Variants in HJURP observed in about 807,000 individuals in gnomAD.
HJURP encodes the protein 14-3-3-associated AKT substrate.
Under a neutral mutation model 72.0 loss-of-function variants are expected in HJURP, and 49 were observed. The observed-to-expected ratio is 0.68, with a 90% CI of 0.54 to 0.86. HJURP has a LOEUF of 0.86. Among genes scored for constraint, HJURP ranks in the 40% least tolerant of loss-of-function variants. The pLI is 0.00. For synonymous variants in HJURP, 357 were observed against 347.1 expected (o/e 1.03, Z -0.32); for missense variants, 908 against 936.3 (o/e 0.97, Z 0.39).
intron 3 of HJURP, among the ~76,000 whole-genome samples, chr2:233,851,199 T>G (rs1215192536): frequency 1.3e-5 from 2 of 152,216 alleles, no homozygotes; most frequent in Admixed American, 1.3e-4. Context: ...GACATCTGTA[T>G]TATGCATAAT....
chr2:233,853,389 A>G (rs904184225), intron 2 of HJURP, among the ~76,000 whole-genome samples: 1 of 152,252 alleles, frequency 6.6e-6, no homozygotes, highest in African/African-American at 2.4e-5. Context: ...CTCAAGGAAG[A>G]CAGTTACTAC....
Position 233,842,180 on chromosome 2 carries a change from C to G in HJURP, c.600G>C (p.Lys200Asn). Residue 200 changes from lysine (K) to asparagine (N), a missense_variant, in exon 8 of 9, where the codon AAG becomes AAC. Lys to Asn is a moderately conservative substitution (Grantham distance 94, BLOSUM62 0). Around this residue, in one of 3 missense-constraint regions of HJURP, gnomAD observed 299 missense variants for 286.7 expected, o/e 1.04. Coordinates refer to ENST00000411486, the MANE Select transcript of HJURP (RefSeq NM_018410.5). ...CTGGTTTCGCTGGGTCACCAGGACT[C>G]TTTCTGGAGATACGACTGCAGTATC... ...APGYCSRISR[K>N]SPGDPAKPAS... 1.2e-6 allele frequency: 2 copies of G among 1,612,788 alleles called. No homozygotes were observed. Among genetic ancestry groups the G allele is most frequent in the Middle Eastern group, 1.7e-4 (1 of 6,048 alleles).
rs1193354893 is a variant in HJURP, at chr2:233,840,791, A to G, written c.1989T>C (p.Cys663=). 1 of 1,613,368 alleles carries G rather than the reference A, an allele frequency of 6.2e-7. No individual in the cohort carries two copies. The highest frequency in any genetic ancestry group is 8.5e-7 in the Non-Finnish European group (1 of 1,179,846). The change falls in exon 8 of 9, where the codon TGT becomes TGC. Residue 663 remains cysteine (C), a synonymous_variant. Coordinates refer to ENST00000411486, the MANE Select transcript of HJURP (RefSeq NM_018410.5). ...CATCCCTCGTGATGGCACGAGCAACACATGTAGATGAAGGAGCCTCAATTG... is the reference window on the plus strand; with the variant it reads ...CATCCCTCGTGATGGCACGAGCAACGCATGTAGATGAAGGAGCCTCAATTG... ...STAIEAPSST[C]VARAITRDGT...
chr2:233,854,454 T>A lies in HJURP; in HGVS notation c.47A>T (p.Asp16Val), dbSNP rs1295598630. ...RAMEGEDVEDDQLLQKLRASR... is the reference protein window; with the variant it reads ...RAMEGEDVEDVQLLQKLRASR... ...GGCCCTGAGCTTCTGCAGCAGCTGG[T>A]CGTCTTCCACGTCCTCGCCCTCCAT... Residue 16 changes from aspartate (D) to valine (V), a missense_variant, in exon 1 of 9, where the codon GAC (aspartate) becomes GTC (valine). Physicochemically the swap from Asp to Val is radical, Grantham distance 152 (BLOSUM62 -3). Transcript: ENST00000411486. The A allele has an allele frequency of 6.2e-7, 1 of 1,612,372 alleles. No individual in the cohort carries two copies. Among genetic ancestry groups the A allele is most frequent in the Non-Finnish European group, 8.5e-7 (1 of 1,179,466 alleles).
At position 233,841,735 on chromosome 2, in the gene HJURP, G is replaced by C. The variant is rs777495361; in HGVS notation, c.1045C>G (p.Arg349Gly). The C allele has an allele frequency of 2.1e-5, 34 of 1,613,900 alleles. No homozygotes were observed. The highest frequency in any genetic ancestry group is 2.9e-5 in the Non-Finnish European group (34 of 1,180,016). The change falls in exon 8 of 9, where the codon CGT becomes GGT. Residue 349 changes from arginine to glycine, a missense_variant. Coordinates refer to ENST00000411486, the MANE Select transcript of HJURP (RefSeq NM_018410.5). ...TTTTCCAATTTTAAACCTGTCTTAC[G>C]GCAAGAAACATCTAATACGTTCTTG... ...DCKNVLDVSC[R>G]KTGLKLEKAF... is the part of the protein sequence containing the mutation.
chr2:233,852,186 T>G (rs1025859709), intron 3 of HJURP, among the ~76,000 whole-genome samples: 1 of 152,148 alleles, frequency 6.6e-6, no homozygotes, highest in East Asian at 1.9e-4. Flanking sequence ...ACATTCTTCT[T>G]CCCTAGAAGG....
chr2:233,841,365 G>A lies in HJURP; in HGVS notation c.1415C>T (p.Ala472Val), dbSNP rs1263209039. ...TAAGCCCTGAAGGCCACCAGGACTC[G>A]CAGGACCCCCTCTGTACATGTTCAT... ...WAMNMYRGGP[A>V]SPGGLQGLET... The change falls in exon 8 of 9, where the codon GCG becomes GTG. Residue 472 changes from alanine (A) to valine (V), a missense_variant. Coordinates refer to ENST00000411486, the MANE Select transcript of HJURP (RefSeq NM_018410.5). 1.2e-5 allele frequency: 20 copies of A among 1,614,040 alleles called. No individual in the cohort carries two copies. The highest frequency in any genetic ancestry group is 2.2e-5 in the East Asian group (1 of 44,870).
At chr2:233,849,015 C>A (rs969589367) in intron 4 of HJURP, among the ~76,000 whole-genome samples, 2 of 152,206 alleles carry the variant, frequency 1.3e-5, no homozygotes, top group Non-Finnish European at 2.9e-5. Flanking sequence ...AAGAATAAAA[C>A]CCAAAGAATG....
Position 233,847,381 on chromosome 2 carries a change from TA to T in HJURP, c.402+15del. ...AGCGCCCCCTCTGTCCATTCATTAC[TA>T]AAGGCAGCACTTACTGCTAAGGCCC... On this transcript the variant is annotated intron_variant, in intron 5 of 8. Transcript: ENST00000411486. The T allele has an allele frequency of 6.2e-7, 1 of 1,607,682 alleles. No homozygotes were observed. The highest frequency in any genetic ancestry group is 1.7e-5 in the Admixed American group (1 of 60,012).
At chr2:233,842,310 G>A (rs1176403735) in intron 7 of HJURP, 105 bp from the exon 8 acceptor site, 2 of 983,076 alleles carry the variant, frequency 2.0e-6, no homozygotes, top group Non-Finnish European at 3.0e-6. Context: ...GTTTTTTTAA[G>A]CAATAGCAAA....
Position 233,840,996 on chromosome 2 carries a change from G to A in HJURP, c.1784C>T (p.Ser595Phe), listed in dbSNP as rs1705211489. The A allele has an allele frequency of 6.2e-7, 1 of 1,614,060 alleles. No individual in the cohort carries two copies. The highest frequency in any genetic ancestry group is 1.7e-5 in the Admixed American group (1 of 59,998). ...DKLHQKYCLK[S>F]PGQMTVPLCI... ...TAAAGGCACTGTCATCTGCCCAGGA[G>A]ATTTGAGGCAATACTTTTGATGAAG... The change falls in exon 8 of 9, where the codon TCT becomes TTT. Residue 595 changes from serine to phenylalanine, a missense_variant. Ser to Phe is a radical substitution (Grantham distance 155). Around this residue, in one of 3 missense-constraint regions of HJURP, gnomAD observed 598 missense variants for 619.5 expected, o/e 0.97. Transcript: ENST00000411486.
At position 233,850,863 on chromosome 2, in the gene HJURP, GT is replaced by G. The variant is rs529410456; in HGVS notation, c.241-1005del. ...TAGCTACAAACAGAACCCAGGCATT[GT>G]GTTATAACCAACCCAGCACAGGTCA... On this transcript the variant is annotated intron_variant, in intron 3 of 8. Coordinates refer to ENST00000411486, the MANE Select transcript of HJURP (RefSeq NM_018410.5). Among the ~76,000 whole-genome samples, 7 of 152,320 alleles carry G rather than the reference GT, an allele frequency of 4.6e-5. No homozygotes were observed. The East Asian group carries it at 1.4e-3, about 29-fold the overall frequency.
rs537293378 is a variant in HJURP at position 233,854,194 on chromosome 2, G to T, written c.117+190C>A. Among the ~76,000 whole-genome samples, 12 of 151,504 alleles carry T rather than the reference G, an allele frequency of 7.9e-5. 1 individual carries two copies. In the South Asian group the frequency reaches 2.5e-3, roughly 32 times the overall value. ...CCGTCCCCGCACCGAAGCCTTCGGC[G>T]CTGCCTCCTTTTTCCCTCTCCGGAG... On this transcript the variant is annotated intron_variant, in intron 1 of 8. Coordinates refer to ENST00000411486, the MANE Select transcript of HJURP (RefSeq NM_018410.5).
intron 8 of HJURP, 39 bp downstream of exon 8, chr2:233,840,570 C>T (rs753419375): frequency 6.5e-7 from 1 of 1,529,634 alleles, no homozygotes; most frequent in East Asian, 2.3e-5. Flanking sequence ...AGAGCAGTCA[C>T]TCACATAAAC....
At chr2:233,853,744 A>T in intron 2 of HJURP, 100 bp downstream of exon 2, 1 of 936,692 alleles carries the variant, frequency 1.1e-6, no homozygotes, top group South Asian at 1.7e-5. Context: ...CCTATTAGTT[A>T]GGTGAACAAT....
chr2:233,853,258 T>C (rs1705538575), intron 2 of HJURP, among the ~76,000 whole-genome samples: 1 of 152,240 alleles, frequency 6.6e-6, no homozygotes, highest in Admixed American at 6.5e-5. Flanking sequence ...ATGGGAGGAA[T>C]TGACCCCAGC....
chr2:233,837,884 A>G (rs1403583869), intron 8 of HJURP, among the ~76,000 whole-genome samples: 1 of 152,240 alleles, frequency 6.6e-6, no homozygotes, highest in Non-Finnish European at 1.5e-5. Context: ...CTGGTGGGGA[A>G]GTCCACATCC....
Position 233,841,364 on chromosome 2 carries a change from C to T in HJURP, c.1416G>A (p.Ala472=), listed in dbSNP as rs201582815. ...CTAAGCCCTGAAGGCCACCAGGACT[C>T]GCAGGACCCCCTCTGTACATGTTCA... ...WAMNMYRGGP[A]SPGGLQGLET... The change falls in exon 8 of 9, where the codon GCG becomes GCA. Residue 472 remains alanine (A), a synonymous_variant. Coordinates refer to ENST00000411486, the MANE Select transcript of HJURP (RefSeq NM_018410.5). The T allele has an allele frequency of 1.7e-5, 27 of 1,614,106 alleles. No homozygotes were observed. Among genetic ancestry groups the T allele is most frequent in the East Asian group, 6.7e-5 (3 of 44,884 alleles).
intron 4 of HJURP, among the ~76,000 whole-genome samples, chr2:233,849,216 G>A (rs1705439818): frequency 6.6e-6 from 1 of 152,166 alleles, no homozygotes; most frequent in African/African-American, 2.4e-5. Flanking sequence ...CAAGGAAGGG[G>A]CCCAGGACAG....
Sources: allele counts gnomAD v4.1 joint callset (sites outside exome capture counted in the v4.1 genomes callset), GRCh38; gene constraint gnomAD v4.1.1; regional missense constraint gnomAD v4.1.1; transcripts MANE v1.5; gene names NCBI Gene and HGNC (gene_info 2026-07-23, HGNC 2026-07-21).